TENM3: variants seen among roughly 807,000 people sequenced by gnomAD.
The protein encoded by TENM3 is teneurin transmembrane protein 3, also known as teneurin-3.
A neutral mutation model predicts 255.1 loss-of-function variants in TENM3; 63 were observed. The ratio of observed to expected loss-of-function variants is 0.25; its 90% CI spans 0.20 to 0.30. The LOEUF is 0.30. Among genes scored for constraint, TENM3 ranks in the 10% least tolerant of loss-of-function variants. TENM3 has a pLI of 1.00. For missense variants in TENM3, 2,929 were observed against 3,461.1 expected (o/e 0.85, Z 3.86); for synonymous variants, 1,306 against 1,322.3 (o/e 0.99, Z 0.27).
At chr4:182,637,637 T>G (rs917015318) in intron 5 of TENM3, among the ~76,000 whole-genome samples, 1 of 152,244 alleles carries the variant, frequency 6.6e-6, no homozygotes, top group African/African-American at 2.4e-5. Flanking sequence ...CATCCGTCAT[T>G]CATTCAACAT....
chr4:182,071,449 C>CTTTT, the TENM3 span, among the ~76,000 whole-genome samples: 1 of 139,484 alleles, frequency 7.2e-6, no homozygotes, highest in African/African-American at 2.6e-5. Flanking sequence ...TTTTTCTTTT[C>CTTTT]TTTTTTTTTT....
At chr4:182,498,452 A>G (rs1736007716) in intron 3 of TENM3, among the ~76,000 whole-genome samples, 1 of 152,134 alleles carries the variant, frequency 6.6e-6, no homozygotes, top group Non-Finnish European at 1.5e-5. Context: ...CCATCACTCT[A>G]ATTAGGTTTC....
At chr4:181,710,986 T>C in the TENM3 span, among the ~76,000 whole-genome samples, 1 of 152,116 alleles carries the variant, frequency 6.6e-6, no homozygotes, top group Admixed American at 6.5e-5. Flanking sequence ...TTAAATATAA[T>C]GTATATATTG....
intron 18 of TENM3, among the ~76,000 whole-genome samples, chr4:182,741,556 T>C (rs890616756): frequency 1.3e-5 from 2 of 152,350 alleles, no homozygotes; most frequent in African/African-American, 4.8e-5. Context: ...TAGTCTGACT[T>C]GTAGGATTCT....
the TENM3 span, among the ~76,000 whole-genome samples, chr4:181,873,861 T>G: frequency 6.6e-6 from 1 of 152,080 alleles, no homozygotes; most frequent in South Asian, 2.1e-4. Flanking sequence ...CTTGGCTCAC[T>G]GCAACCTCTC....
the TENM3 span, among the ~76,000 whole-genome samples, chr4:181,633,373 G>A: frequency 2.0e-5 from 3 of 152,068 alleles, no homozygotes; most frequent in African/African-American, 7.2e-5. Context: ...AATGAGCTGC[G>A]GTATACAAGA....
the TENM3 span, among the ~76,000 whole-genome samples, chr4:181,798,090 AGT>A: frequency 0.13 from 19,249 of 149,778 alleles, 1,326 homozygotes; most frequent in Admixed American, 0.17. Context: ...TTTCAAAATA[AGT>A]GTGTGTGTGT....
chr4:182,041,969 G>A, the TENM3 span, among the ~76,000 whole-genome samples: 3 of 152,162 alleles, frequency 2.0e-5, no homozygotes, highest in Non-Finnish European at 4.4e-5. Flanking sequence ...TGGAAAATCA[G>A]ATGAATGAGG....
rs138360201 is a variant in TENM3, at chr4:182,773,324, T to C, written c.4893-148T>C. 1.3e-3 allele frequency: 872 copies of C among 665,036 alleles called. 2 individuals carry two copies. The highest frequency in any genetic ancestry group is 0.012 in the Middle Eastern group (33 of 2,708). The allele number at this position is 665,036 out of a possible 1,614,324, so 41.2% of individuals were successfully genotyped here. A position where few individuals can be genotyped will look rare whatever the true frequency, so the allele number is the denominator to read the frequency against. ...ACGGGTTTTTGATTACTTCAAAGCA[T>C]GTTTGAAGTCTTCACTCTGCATCGC... On this transcript the variant is annotated intron_variant, in intron 22 of 27. Transcript: ENST00000511685.
chr4:182,132,537 A>C, the TENM3 span, among the ~76,000 whole-genome samples: 1 of 152,334 alleles, frequency 6.6e-6, no homozygotes, highest in East Asian at 1.9e-4. Flanking sequence ...AAATCTGTAC[A>C]ACATATAAAA....
chr4:181,766,612 C>A, the TENM3 span, among the ~76,000 whole-genome samples: 1 of 151,610 alleles, frequency 6.6e-6, no homozygotes, highest in African/African-American at 2.4e-5. Flanking sequence ...TAGTGTACCA[C>A]CAAAAATGAG....
intron 1 of TENM3, among the ~76,000 whole-genome samples, chr4:182,320,905 G>A (rs1031468247): frequency 6.6e-6 from 1 of 152,124 alleles, no homozygotes; most frequent in African/African-American, 2.4e-5. Flanking sequence ...AGCAGAAAAC[G>A]ATTTCCCCTT....
At position 182,351,092 on chromosome 4, in the gene TENM3, C is replaced by CTTT. The variant is rs5864780; in HGVS notation, c.511+4169_511+4171dup. Among the ~76,000 whole-genome samples, 467 of 151,256 alleles carry CTTT rather than the reference C, an allele frequency of 3.1e-3. 3 individuals are homozygous for CTTT. The highest frequency in any genetic ancestry group is 9.9e-3 in the African/African-American group (409 of 41,134). ...CTATTTAAACGTCAGGAACAAAGGGCTTTTTTTTATTTTTTCAAAACATCA... is the reference window on the plus strand; with the variant it reads ...CTATTTAAACGTCAGGAACAAAGGGCTTTTTTTTTTTATTTTTTCAAAACATCA... On this transcript the variant is annotated intron_variant, in intron 3 of 27. Coordinates refer to ENST00000511685, the MANE Select transcript of TENM3 (RefSeq NM_001080477.4).
At chr4:182,047,450 T>G in the TENM3 span, among the ~76,000 whole-genome samples, 1 of 149,494 alleles carries the variant, frequency 6.7e-6, no homozygotes, top group East Asian at 2.0e-4. Flanking sequence ...TAGTCTCAGC[T>G]ACTCAGGAGG....
At chr4:181,808,642 T>A in the TENM3 span, among the ~76,000 whole-genome samples, 1 of 152,146 alleles carries the variant, frequency 6.6e-6, no homozygotes, top group Non-Finnish European at 1.5e-5. Context: ...TCCCTTCAAT[T>A]CATAAAGAAA....
chr4:181,762,866 C>G, the TENM3 span, among the ~76,000 whole-genome samples: 7 of 151,744 alleles, frequency 4.6e-5, no homozygotes, highest in African/African-American at 1.7e-4. Context: ...AGTAGGAAAG[C>G]TATTATTACG....
intron 13 of TENM3, among the ~76,000 whole-genome samples, chr4:182,722,901 T>C (rs1467332480): frequency 6.6e-6 from 1 of 152,132 alleles, no homozygotes; most frequent in African/African-American, 2.4e-5. Context: ...GGTGATTGAT[T>C]AGGTGCCAGA....
chr4:182,058,353 A>G, the TENM3 span, among the ~76,000 whole-genome samples: 190 of 152,256 alleles, frequency 1.2e-3, 3 homozygotes, highest in African/African-American at 4.4e-3. Flanking sequence ...TAAAGAGTAC[A>G]TTTTTTGAAA....
chr4:181,838,396 A>G, the TENM3 span, among the ~76,000 whole-genome samples: 2 of 152,280 alleles, frequency 1.3e-5, no homozygotes, highest in East Asian at 3.9e-4. Context: ...GTGTTAATAT[A>G]CTTTTTTGTC....
Sources: gnomAD v4.1 joint callset for allele counts (sites outside exome capture counted in the v4.1 genomes callset) on GRCh38, gnomAD v4.1.1 for gene constraint, MANE v1.5 for transcripts, NCBI Gene and HGNC (gene_info 2026-07-23, HGNC 2026-07-21) for gene names.